Variants in CCDC93 observed in about 807,000 individuals in gnomAD.
The protein encoded by CCDC93 is coiled-coil domain-containing protein 93.
CCDC93 carries 61 observed loss-of-function variants against 108.2 expected under a neutral mutation model. The ratio of observed to expected loss-of-function variants is 0.56; its 90% confidence interval spans 0.46 to 0.70. CCDC93 has a LOEUF of 0.70. Among genes scored for constraint, CCDC93 ranks in the 30% least tolerant of loss-of-function variants. The probability of loss-of-function intolerance (pLI) is 0.00; values close to 1 mark genes in which losing one functional copy is unlikely to be tolerated. For missense variants in CCDC93, 685 were observed against 764.2 expected (o/e 0.90, Z 1.22); for synonymous variants, 276 against 260.4 (o/e 1.06, Z -0.58).
At position 117,995,468 on chromosome 2, in the gene CCDC93, A is replaced by T. The variant is rs748384094; in HGVS notation, c.497T>A (p.Ile166Asn). 1.2e-6 allele frequency: 2 copies of T among 1,613,600 alleles called. No homozygotes were observed. The highest frequency in any genetic ancestry group is 1.7e-6 in the Non-Finnish European group (2 of 1,179,472). The change falls in exon 6 of 24, where the codon ATC (isoleucine) becomes AAC (asparagine). Residue 166 changes from isoleucine (I) to asparagine (N), a missense_variant. Physicochemically the swap from Ile to Asn is moderately radical, Grantham distance 149. Coordinates refer to ENST00000376300, the MANE Select transcript of CCDC93 (RefSeq NM_019044.5). The stretch of plus-strand genomic sequence containing the variant: ...TACTGAGAGGTCCACAACTGTCTTG[A>T]TGGCCTTTTCTTTTCTCTTTATGAA... ...DDFIKRKEKA[I>N]KTVVDLSEVY...
intron 11 of CCDC93, among the ~76,000 whole-genome samples, chr2:117,971,808 T>C (rs1679772048): frequency 6.6e-6 from 1 of 152,344 alleles, no homozygotes; most frequent in African/African-American, 2.4e-5. Flanking sequence ...GAACAAGCAC[T>C]GCAAAATAAT....
At chr2:117,922,429 G>C (rs957937536) in intron 23 of CCDC93, among the ~76,000 whole-genome samples, 11 of 149,350 alleles carry the variant, frequency 7.4e-5, no homozygotes, top group African/African-American at 2.7e-4. Context: ...GTGCCAGACA[G>C]AGAGCTAAGT....
intron 23 of CCDC93, among the ~76,000 whole-genome samples, chr2:117,920,752 T>G (rs1311170697): frequency 6.6e-6 from 1 of 152,144 alleles, no homozygotes; most frequent in Non-Finnish European, 1.5e-5. Context: ...GGGAAAGGCT[T>G]TGGAGACAGC....
rs564944285 is a variant in CCDC93, at chr2:118,014,048, G to A, written c.-53C>T. 1.4e-5 allele frequency: 22 copies of A among 1,573,612 alleles called. No homozygotes were observed. The East Asian group carries it at 2.8e-4, about 20-fold the overall frequency. ...AGCGAAGCCCGCCAAGCGTCCGGAG[G>A]AAGCTGTCCCTGCCGCGGAGCTGCT... On this transcript the variant is annotated 5_prime_UTR_variant, in exon 1 of 24. Coordinates refer to ENST00000376300, the MANE Select transcript of CCDC93 (RefSeq NM_019044.5).
chr2:117,926,268 C>T (rs896445667), intron 23 of CCDC93, among the ~76,000 whole-genome samples: 1 of 152,094 alleles, frequency 6.6e-6, no homozygotes, highest in Non-Finnish European at 1.5e-5. Flanking sequence ...TAACTAAGAT[C>T]AGAGCAGAAC....
At chr2:117,992,338 G>T (rs1680499334) in intron 6 of CCDC93, among the ~76,000 whole-genome samples, 2 of 152,054 alleles carry the variant, frequency 1.3e-5, no homozygotes, top group African/African-American at 2.4e-5. Context: ...AACCTCCCCA[G>T]GCTCAGGTGA....
At position 117,931,027 on chromosome 2, in the gene CCDC93, T is replaced by C. The variant is rs1330659039; in HGVS notation, c.1842+10A>G. The C allele has an allele frequency of 1.3e-5, 21 of 1,563,552 alleles. No individual in the cohort carries two copies. The highest frequency in any genetic ancestry group is 1.8e-5 in the Non-Finnish European group (21 of 1,137,860). ...GTTAGCCTTAATGTGCTACCCAGCC[T>C]TCCTCTTACCTCCTTGAACTCTTTC... On this transcript the variant is annotated intron_variant, in intron 23 of 23. Transcript: ENST00000376300.
At chr2:117,927,532 A>G (rs536332202) in intron 23 of CCDC93, among the ~76,000 whole-genome samples, 2 of 152,330 alleles carry the variant, frequency 1.3e-5, no homozygotes, top group East Asian at 3.9e-4. Flanking sequence ...AGAGAATAAA[A>G]TATCTAGGAA....
intron 7 of CCDC93, among the ~76,000 whole-genome samples, chr2:117,978,904 A>G (rs2104789507): frequency 6.6e-6 from 1 of 152,316 alleles, no homozygotes. Flanking sequence ...GCTACTTGGG[A>G]GGCTGAAGCA....
intron 14 of CCDC93, 44 bp from the exon 15 acceptor site, chr2:117,948,230 G>A: frequency 6.9e-7 from 1 of 1,441,732 alleles, no homozygotes; most frequent in Non-Finnish European, 9.7e-7. Context: ...AGGCCATTAT[G>A]ATTTTATGAA....
At chr2:117,971,087 C>A (rs1679744971) in intron 11 of CCDC93, among the ~76,000 whole-genome samples, 1 of 152,178 alleles carries the variant, frequency 6.6e-6, no homozygotes, top group Non-Finnish European at 1.5e-5. Context: ...GAACGGCCAG[C>A]CACAGTGGCT....
rs559682454 is a variant in CCDC93 at position 117,950,167 on chromosome 2, A to C, written c.1069-772T>G. On this transcript the variant is annotated intron_variant, in intron 13 of 23. Coordinates refer to ENST00000376300, the MANE Select transcript of CCDC93 (RefSeq NM_019044.5). The stretch of plus-strand genomic sequence containing the variant: ...ACAGGAAGTGGGCTGCATAAAATGC[A>C]TGGATCCACAGAGGTGGTAACCCGA... 3.0e-6 allele frequency: 3 copies of C among 985,404 alleles called. No homozygotes were observed. The South Asian group carries it at 1.4e-4, about 46-fold the overall frequency. The allele number at this position is 985,404 out of a possible 1,614,324, so 61.0% of individuals were successfully genotyped here. A position where few individuals can be genotyped will look rare whatever the true frequency, so the allele number is the denominator to read the frequency against.
In CCDC93 at chr2:117,975,100, G is replaced by A. The variant is rs1679892705; in HGVS notation, c.750+88C>T. ...ACAGCAGCTGGCTGTGGGAGGTGGT[G>A]GCCATTTGGGAACGCTAGGGATAAG... On this transcript the variant is annotated intron_variant, in intron 9 of 23. Coordinates refer to ENST00000376300, the MANE Select transcript of CCDC93 (RefSeq NM_019044.5). 21 of 1,218,362 alleles carry A rather than the reference G, an allele frequency of 1.7e-5. No individual in the cohort carries two copies. In the East Asian group the frequency reaches 4.9e-4, roughly 28 times the overall value. The allele number at this position is 1,218,362 out of a possible 1,614,324, so 75.5% of individuals were successfully genotyped here. A position where few individuals can be genotyped will look rare whatever the true frequency, so the allele number is the denominator to read the frequency against.
chr2:117,995,414 C>T (rs766902287), intron 6 of CCDC93, 32 bp downstream of exon 6: 3 of 1,554,348 alleles, frequency 1.9e-6, no homozygotes, highest in Admixed American at 1.7e-5. Flanking sequence ...CTACGCAGGA[C>T]TCTGACAGAA....
intron 3 of CCDC93, among the ~76,000 whole-genome samples, chr2:118,001,368 T>G (rs1020841462): frequency 6.6e-6 from 1 of 152,144 alleles, no homozygotes; most frequent in Non-Finnish European, 1.5e-5. Flanking sequence ...TTACCAGACC[T>G]TACACCAGGT....
At chr2:117,944,809 C>T (rs778237460) in intron 17 of CCDC93, 18 of 470,992 alleles carry the variant, frequency 3.8e-5, no homozygotes, top group Non-Finnish European at 6.2e-5. Flanking sequence ...TGGGAGATTA[C>T]GAGGGTACAA....
At chr2:117,972,324 C>A (rs1679791868) in intron 11 of CCDC93, among the ~76,000 whole-genome samples, 1 of 152,102 alleles carries the variant, frequency 6.6e-6, no homozygotes, top group Non-Finnish European at 1.5e-5. Context: ...ACAGATAAAC[C>A]AGAATGTATC....
At chr2:117,948,017 G>A (rs1678931659) in intron 15 of CCDC93, 88 bp downstream of exon 15, 1 of 1,083,252 alleles carries the variant, frequency 9.2e-7, no homozygotes, top group Non-Finnish European at 1.4e-6. Context: ...AAACTGCACT[G>A]GATAGGATGC....
chr2:117,951,654 C>T (rs1679060898), intron 13 of CCDC93: 5 of 1,000,064 alleles, frequency 5.0e-6, no homozygotes. Context: ...GTCCAAGCAC[C>T]AAAATCACAA....
Sources: gnomAD v4.1 joint callset for allele counts (sites outside exome capture counted in the v4.1 genomes callset) on GRCh38, gnomAD v4.1.1 for gene constraint, MANE v1.5 for transcripts, NCBI Gene and HGNC (gene_info 2026-07-23, HGNC 2026-07-21) for gene names.